Variants in MS4A4A observed in about 807,000 individuals in gnomAD.
The protein encoded by MS4A4A is membrane-spanning 4-domains subfamily A member 4A.
MS4A4A carries 26 observed loss-of-function variants against 28.0 expected under a neutral mutation model. The observed-to-expected ratio is 0.93, with a 90% CI of 0.68 to 1.29. MS4A4A has a LOEUF of 1.29. Among genes scored for constraint, MS4A4A ranks in the 50% most tolerant of loss-of-function variants. The pLI, the probability that MS4A4A is intolerant of heterozygous loss-of-function variation, is 0.00. For missense variants in MS4A4A, 290 were observed against 293.1 expected (o/e 0.99, Z 0.08); for synonymous variants, 86 against 100.8 (o/e 0.85, Z 0.88).
intron 3 of MS4A4A, 85 bp downstream of exon 3, chr11:60,297,410 A>G: frequency 6.8e-7 from 1 of 1,472,188 alleles, no homozygotes; most frequent in Non-Finnish European, 9.2e-7. Context: ...TTCTAACCGT[A>G]TCTTGTAATT....
chr11:60,302,294 A>G (rs574203250), intron 4 of MS4A4A, among the ~76,000 whole-genome samples: 81 of 152,242 alleles, frequency 5.3e-4, no homozygotes, highest in Non-Finnish European at 9.1e-4. Context: ...TGTGAAGGAC[A>G]TTGAAAACCC....
intron 3 of MS4A4A, among the ~76,000 whole-genome samples, chr11:60,298,358 C>T (rs781622985): frequency 6.6e-6 from 1 of 152,136 alleles, no homozygotes; most frequent in Non-Finnish European, 1.5e-5. Context: ...AGCAGAAGTG[C>T]AAGATTGGAA....
chr11:60,294,305 G>T (rs890919826), intron 2 of MS4A4A, among the ~76,000 whole-genome samples: 1 of 152,084 alleles, frequency 6.6e-6, no homozygotes, highest in African/African-American at 2.4e-5. Flanking sequence ...TAATGAGGAC[G>T]TTTATGTTCT....
chr11:60,292,154 C>T (rs1182703688), intron 1 of MS4A4A, 71 bp from the exon 2 acceptor site: 4 of 1,459,562 alleles, frequency 2.7e-6, no homozygotes, highest in Admixed American at 5.1e-5. Context: ...TAGGGAGGAA[C>T]CTGCCCCAAA....
At chr11:60,306,316 G>T in intron 6 of MS4A4A, 115 bp downstream of exon 6, 1 of 877,566 alleles carries the variant, frequency 1.1e-6, no homozygotes. Flanking sequence ...CAGTTTCCAT[G>T]GTTCAAGAGT....
intron 1 of MS4A4A, chr11:60,290,054 T>A (rs988402133): frequency 5.9e-5 from 26 of 441,596 alleles, no homozygotes; most frequent in Non-Finnish European, 1.2e-4. Context: ...TGCAGGCTTG[T>A]ATCAAGGATA....
At chr11:60,284,198 C>T (rs894090031) in intron 1 of MS4A4A, among the ~76,000 whole-genome samples, 1 of 152,130 alleles carries the variant, frequency 6.6e-6, no homozygotes, top group East Asian at 1.9e-4. Flanking sequence ...ATAATTCTGT[C>T]CTGTGAATAA....
intron 1 of MS4A4A, 22 bp from the exon 2 acceptor site, chr11:60,292,203 T>A: frequency 6.6e-7 from 1 of 1,521,074 alleles, no homozygotes; most frequent in Non-Finnish European, 8.8e-7. Context: ...GACATCATAC[T>A]AAATTACATT....
intron 2 of MS4A4A, among the ~76,000 whole-genome samples, chr11:60,294,951 T>TTCTTCC (rs56294553): frequency 6.8e-6 from 1 of 146,524 alleles, no homozygotes; most frequent in African/African-American, 2.5e-5. Context: ...CTTCTTCTTC[T>TTCTTCC]AGATTGTGTT....
chr11:60,294,173 C>A (rs2084882171), intron 2 of MS4A4A, among the ~76,000 whole-genome samples: 1 of 152,220 alleles, frequency 6.6e-6, no homozygotes, highest in African/African-American at 2.4e-5. Context: ...AGTGGAATCT[C>A]ACTATCATGT....
At position 60,292,249 on chromosome 11, in the gene MS4A4A, C is replaced by A; in HGVS notation, c.66C>A (p.Thr22=). Residue 22 remains threonine (T), a synonymous_variant, in exon 2 of 7, where the codon ACC becomes ACA. Transcript: ENST00000337908. ...GCACCTTTTCTGCTGCCATGACAAC[C>A]ATGCAAGGAATGGAACAGGCCATGC... ...EESTFSAAMT[T]MQGMEQAMPG... 3.2e-6 allele frequency: 5 copies of A among 1,566,346 alleles called. No individual in the cohort carries two copies. Among genetic ancestry groups the A allele is most frequent in the South Asian group, 2.4e-5 (2 of 83,474 alleles).
At chr11:60,283,917 A>T (rs541761501) in intron 1 of MS4A4A, among the ~76,000 whole-genome samples, 1 of 152,266 alleles carries the variant, frequency 6.6e-6, no homozygotes, top group African/African-American at 2.4e-5. Context: ...TGGAACAGAG[A>T]CTGCAAGAGG....
intron 4 of MS4A4A, 114 bp downstream of exon 4, chr11:60,301,171 T>C (rs2084950200): frequency 1.2e-6 from 1 of 838,444 alleles, no homozygotes; most frequent in Non-Finnish European, 1.8e-6. Flanking sequence ...TCAGGAGCGA[T>C]TGTGCATTTT....
rs749413854 is a variant in MS4A4A at position 60,301,015 on chromosome 11, A to G, written c.345A>G (p.Gly115=). The stretch of plus-strand genomic sequence containing the variant: ...CTCATTTTTAGTTTATTATTTCAGG[A>G]TCCTTGTCAATTGCAGCAGGAATTA... ...IWGSVMFIIS[G]SLSIAAGIRT... is the part of the protein sequence containing the mutation. The change falls in exon 4 of 7, where the codon GGA becomes GGG. Residue 115 remains glycine, a synonymous_variant. Transcript: ENST00000337908. The G allele has an allele frequency of 1.1e-5, 17 of 1,603,636 alleles. No individual in the cohort carries two copies. The Admixed American group carries it at 1.5e-4, about 15-fold the overall frequency.
At position 60,302,657 on chromosome 11, in the gene MS4A4A, C is replaced by A. The variant is rs2084962545; in HGVS notation, c.486C>A (p.His162Gln). Reference protein sequence around the residue: ...TFSLAFYSFHHPYCNYYGNSN... With the variant: ...TFSLAFYSFHQPYCNYYGNSN... Reference sequence around the variant, plus strand: ...GCTTGGCGTTTTATTCATTCCATCACCCTTACTGTAACTACTATGGCAACT... The same window carrying A: ...GCTTGGCGTTTTATTCATTCCATCAACCTTACTGTAACTACTATGGCAACT... Residue 162 changes from histidine (H) to glutamine (Q), a missense_variant, in exon 5 of 7, where the codon CAC (histidine) becomes CAA (glutamine). Coordinates refer to ENST00000337908, the MANE Select transcript of MS4A4A (RefSeq NM_148975.3). The A allele has an allele frequency of 7.4e-6, 12 of 1,613,906 alleles. No homozygotes were observed. Among genetic ancestry groups the A allele is most frequent in the Non-Finnish European group, 1.0e-5 (12 of 1,179,818 alleles).
chr11:60,295,863 T>G (rs2084901057), intron 2 of MS4A4A, among the ~76,000 whole-genome samples: 1 of 152,154 alleles, frequency 6.6e-6, no homozygotes, highest in Non-Finnish European at 1.5e-5. Context: ...ACACAATTTT[T>G]TTGATGCATT....
rs71036569 is a variant in MS4A4A at position 60,294,892 on chromosome 11, ACTTCTTCTTCTTCTTCTTCTTCTT to A, written c.202-2269_202-2246del. Among the ~76,000 whole-genome samples the A allele has an allele frequency of 4.0e-3, 521 of 130,942 alleles. 2 individuals carry two copies. The highest frequency in any genetic ancestry group is 0.012 in the African/African-American group (418 of 34,784). The allele number at this position is 130,942 out of a possible 152,430, so 85.9% of individuals were successfully genotyped here. On this transcript the variant is annotated intron_variant, in intron 2 of 6. Coordinates refer to ENST00000337908, the MANE Select transcript of MS4A4A (RefSeq NM_148975.3). ...GGGTAGTGTTAGTCCTACAACTACT[ACTTCTTCTTCTTCTTCTTCTTCTT>A]CTTCTTCTTCTTCTTCTTCTTCTTC...
intron 1 of MS4A4A, among the ~76,000 whole-genome samples, chr11:60,283,370 A>T (rs1332919938): frequency 6.6e-6 from 1 of 152,156 alleles, no homozygotes; most frequent in Non-Finnish European, 1.5e-5. Flanking sequence ...CCCAGCTTTA[A>T]ACTTCCAGAT....
chr11:60,280,829 C>T, intron 1 of MS4A4A, 113 bp downstream of exon 1: 1 of 1,263,982 alleles, frequency 7.9e-7, no homozygotes, highest in Non-Finnish European at 1.1e-6. Flanking sequence ...CTTCCCATGA[C>T]CCAAGCTGGT....
Sources: gnomAD v4.1 joint callset for allele counts (sites outside exome capture counted in the v4.1 genomes callset) on GRCh38, gnomAD v4.1.1 for gene constraint, MANE v1.5 for transcripts, NCBI Gene and HGNC (gene_info 2026-07-23, HGNC 2026-07-21) for gene names.